CCDC178: variants seen among roughly 807,000 people sequenced by gnomAD.
The protein encoded by CCDC178 is coiled-coil domain containing 178.
Under a neutral mutation model 117.4 loss-of-function variants are expected in CCDC178, and 126 were observed. That is an observed-to-expected ratio of 1.07 (90% CI 0.93 to 1.24). The LOEUF is 1.24. Among genes scored for constraint, CCDC178 ranks in the 50% most tolerant of loss-of-function variants. The pLI, the probability that CCDC178 is intolerant of heterozygous loss-of-function variation, is 0.00. For synonymous variants in CCDC178, 283 were observed against 313.4 expected (o/e 0.90, Z 1.02); for missense variants, 1,030 against 986.9 (o/e 1.04, Z -0.59).
At chr18:33,161,321 G>A (rs2058459490) in intron 20 of CCDC178, among the ~76,000 whole-genome samples, 1 of 151,300 alleles carries the variant, frequency 6.6e-6, no homozygotes, top group Non-Finnish European at 1.5e-5. Flanking sequence ...TATTTCCAAG[G>A]CTATCACATG....
intron 11 of CCDC178, among the ~76,000 whole-genome samples, chr18:33,296,482 T>C (rs899345461): frequency 2.6e-5 from 4 of 152,022 alleles, no homozygotes; most frequent in African/African-American, 9.7e-5. Context: ...TGACAACAAG[T>C]ACAGTATATA....
intron 20 of CCDC178, among the ~76,000 whole-genome samples, chr18:33,127,015 T>TATATATAC (rs1197743304): frequency 3.5e-5 from 5 of 142,412 alleles, no homozygotes; most frequent in African/African-American, 1.3e-4. Context: ...TATATATATA[T>TATATATAC]ACACACACAC....
intron 2 of CCDC178, among the ~76,000 whole-genome samples, chr18:33,432,899 T>C (rs2064240904): frequency 6.6e-6 from 1 of 152,214 alleles, no homozygotes; most frequent in Admixed American, 6.5e-5. Flanking sequence ...TTAAGGCATA[T>C]GAAATATGAT....
intron 20 of CCDC178, among the ~76,000 whole-genome samples, chr18:33,194,622 C>G (rs1396919471): frequency 6.6e-6 from 1 of 152,116 alleles, no homozygotes; most frequent in African/African-American, 2.4e-5. Context: ...TTCTTCCCAT[C>G]ACTTTTTTTA....
chr18:33,395,535 A>AC (rs1279471099), intron 4 of CCDC178, among the ~76,000 whole-genome samples: 1 of 151,896 alleles, frequency 6.6e-6, no homozygotes, highest in African/African-American at 2.4e-5. Context: ...AGAAAACCTC[A>AC]CCCCTGTGAC....
At chr18:33,004,854 T>A (rs1350123705) in intron 21 of CCDC178, among the ~76,000 whole-genome samples, 1 of 152,076 alleles carries the variant, frequency 6.6e-6, no homozygotes, top group Non-Finnish European at 1.5e-5. Context: ...CAAACAGGTA[T>A]ATGAAAAGGT....
intron 20 of CCDC178, among the ~76,000 whole-genome samples, chr18:33,201,097 G>T (rs1391696486): frequency 1.3e-5 from 2 of 152,124 alleles, no homozygotes; most frequent in Admixed American, 1.3e-4. Flanking sequence ...ACCCTGGAAG[G>T]CTCACAGGAG....
intron 15 of CCDC178, among the ~76,000 whole-genome samples, chr18:33,233,156 G>T (rs985369491): frequency 6.6e-6 from 1 of 152,060 alleles, no homozygotes; most frequent in Non-Finnish European, 1.5e-5. Context: ...CCTTAAACCT[G>T]CATCTCTGTT....
At chr18:33,152,132 G>A (rs1266349699) in intron 20 of CCDC178, among the ~76,000 whole-genome samples, 1 of 152,080 alleles carries the variant, frequency 6.6e-6, no homozygotes, top group Non-Finnish European at 1.5e-5. Flanking sequence ...GAGGAAAGGA[G>A]TGAAGAGATA....
chr18:33,354,405 A>G (rs1330911417), intron 7 of CCDC178, among the ~76,000 whole-genome samples: 2 of 151,750 alleles, frequency 1.3e-5, no homozygotes, highest in Non-Finnish European at 2.9e-5. Flanking sequence ...TCACTTTTTG[A>G]CTGCTATTAT....
intron 21 of CCDC178, among the ~76,000 whole-genome samples, chr18:32,984,560 T>C (rs2055223147): frequency 6.6e-6 from 1 of 151,964 alleles, no homozygotes; most frequent in Admixed American, 6.6e-5. Context: ...GTAGTTTATA[T>C]ATTTTGCTTA....
At chr18:33,403,638 C>T (rs562736322) in intron 3 of CCDC178, among the ~76,000 whole-genome samples, 8 of 152,042 alleles carry the variant, frequency 5.3e-5, no homozygotes, top group East Asian at 1.9e-4. Flanking sequence ...AAAAGCTGAA[C>T]GGAAATACTC....
intron 6 of CCDC178, among the ~76,000 whole-genome samples, chr18:33,368,385 G>A (rs891560489): frequency 6.6e-6 from 1 of 151,830 alleles, no homozygotes; most frequent in African/African-American, 2.4e-5. Context: ...TATTTATCTG[G>A]CACTAATCTA....
At chr18:33,093,562 T>C (rs995692737) in intron 20 of CCDC178, among the ~76,000 whole-genome samples, 3 of 152,088 alleles carry the variant, frequency 2.0e-5, no homozygotes, top group African/African-American at 7.2e-5. Flanking sequence ...TAAATAAATA[T>C]ATGTCAAATC....
At chr18:33,154,531 A>C (rs2058373135) in intron 20 of CCDC178, among the ~76,000 whole-genome samples, 1 of 152,202 alleles carries the variant, frequency 6.6e-6, no homozygotes, top group African/African-American at 2.4e-5. Flanking sequence ...AACAATATAA[A>C]TATGGAATTA....
rs374054639 is a variant in CCDC178, at chr18:33,341,638, G to A, written c.658+4573C>T. Among the ~76,000 whole-genome samples the A allele has an allele frequency of 7.2e-5, 11 of 152,278 alleles. 1 individual carries two copies. In the South Asian group the frequency reaches 2.1e-3, roughly 29 times the overall value. On this transcript the variant is annotated intron_variant, in intron 9 of 22. Coordinates refer to ENST00000383096, the MANE Select transcript of CCDC178 (RefSeq NM_001105528.4). ...TCTCATGTTAGTGAATAAGTCTCAT[G>A]AGATCTGATGGGTTTATCAGGGGTT... is the stretch of plus-strand genomic sequence containing the variant.
intron 21 of CCDC178, among the ~76,000 whole-genome samples, chr18:33,081,092 C>T (rs1456493901): frequency 3.9e-5 from 6 of 151,974 alleles, no homozygotes; most frequent in Non-Finnish European, 8.8e-5. Context: ...TAACTAGTGC[C>T]CAGGCTGAAC....
intron 4 of CCDC178, among the ~76,000 whole-genome samples, chr18:33,392,491 T>C (rs1033515393): frequency 2.0e-5 from 3 of 152,106 alleles, no homozygotes; most frequent in African/African-American, 7.2e-5. Flanking sequence ...AACCAGTGAT[T>C]TGGGGGGTTT....
intron 14 of CCDC178, among the ~76,000 whole-genome samples, chr18:33,262,118 T>G (rs8093821): frequency 0.91 from 138,767 of 152,142 alleles, 63,396 homozygotes; most frequent in East Asian, 1. Context: ...ACATTATACT[T>G]ATATATGGCC....
Sources: allele counts gnomAD v4.1 joint callset (sites outside exome capture counted in the v4.1 genomes callset), GRCh38; gene constraint gnomAD v4.1.1; transcripts MANE v1.5; gene names NCBI Gene and HGNC (gene_info 2026-07-23, HGNC 2026-07-21).